Variants in CHST9 observed in about 807,000 individuals in gnomAD.
CHST9 encodes the protein GalNAc-4-sulfotransferase 2.
Under a neutral mutation model 44.4 loss-of-function variants are expected in CHST9, and 41 were observed. The observed-to-expected ratio is 0.92, with a 90% CI of 0.72 to 1.20. CHST9 has a LOEUF of 1.20. Among genes scored for constraint, CHST9 ranks in the 50% most tolerant of loss-of-function variants. The pLI is 0.00. For missense variants in CHST9, 504 were observed against 516.5 expected (o/e 0.98, Z 0.23); for synonymous variants, 171 against 178.4 (o/e 0.96, Z 0.33).
intron 4 of CHST9, among the ~76,000 whole-genome samples, chr18:26,991,458 T>C (rs1279399419): frequency 2.6e-5 from 4 of 152,114 alleles, no homozygotes; most frequent in African/African-American, 9.7e-5. Flanking sequence ...TCTTAGACTT[T>C]TAATGATAAA....
chr18:27,131,295 A>G (rs2058469662), intron 2 of CHST9, among the ~76,000 whole-genome samples: 1 of 151,018 alleles, frequency 6.6e-6, no homozygotes, highest in South Asian at 2.1e-4. Flanking sequence ...CACGCCTGTA[A>G]TCTCAGCACT....
At chr18:27,064,804 A>G (rs940494928) in intron 2 of CHST9, among the ~76,000 whole-genome samples, 1 of 152,136 alleles carries the variant, frequency 6.6e-6, no homozygotes, top group African/African-American at 2.4e-5. Flanking sequence ...GCTTCACCCT[A>G]CAATGCACAC....
At chr18:27,137,420 TGA>T (rs1164314591) in intron 2 of CHST9, among the ~76,000 whole-genome samples, 1 of 150,792 alleles carries the variant, frequency 6.6e-6, no homozygotes, top group Non-Finnish European at 1.5e-5. Context: ...AGGTGACATA[TGA>T]GCCAAGCCCT....
chr18:27,121,077 C>G (rs917699127), intron 2 of CHST9, among the ~76,000 whole-genome samples: 1 of 152,200 alleles, frequency 6.6e-6, no homozygotes, highest in South Asian at 2.1e-4. Context: ...TCACGGCTCA[C>G]TGAAGCCTTG....
chr18:27,003,631 C>T (rs925875424), intron 4 of CHST9, among the ~76,000 whole-genome samples: 1 of 152,130 alleles, frequency 6.6e-6, no homozygotes, highest in African/African-American at 2.4e-5. Context: ...TGATATTCCT[C>T]ACATATAGCA....
intron 1 of CHST9, among the ~76,000 whole-genome samples, chr18:27,177,737 T>C (rs1157655539): frequency 6.6e-6 from 1 of 151,938 alleles, no homozygotes; most frequent in Non-Finnish European, 1.5e-5. Context: ...CTCTGAACAA[T>C]GGGAGTGGAA....
At chr18:26,975,186 A>G (rs2145178722) in intron 4 of CHST9, among the ~76,000 whole-genome samples, 1 of 152,270 alleles carries the variant, frequency 6.6e-6, no homozygotes, top group Admixed American at 6.5e-5. Flanking sequence ...GTTGCAAGTG[A>G]TGTAGTGATC....
intron 2 of CHST9, among the ~76,000 whole-genome samples, chr18:27,127,445 T>G (rs888945746): frequency 1.3e-5 from 2 of 151,950 alleles, no homozygotes; most frequent in Admixed American, 6.6e-5. Context: ...CTTATTGGAT[T>G]TAATGGTGGG....
At chr18:27,180,134 T>C (rs1265111008) in intron 1 of CHST9, among the ~76,000 whole-genome samples, 2 of 152,142 alleles carry the variant, frequency 1.3e-5, no homozygotes, top group Non-Finnish European at 2.9e-5. Flanking sequence ...TCTGGGTTGT[T>C]AGTATCTCAA....
At chr18:27,146,568 A>G (rs561041007) in intron 1 of CHST9, among the ~76,000 whole-genome samples, 1 of 152,348 alleles carries the variant, frequency 6.6e-6, no homozygotes, top group East Asian at 1.9e-4. Context: ...ACTTGGAATA[A>G]TGCTGCTTTA....
chr18:27,024,882 T>G (rs1333089992), intron 3 of CHST9, among the ~76,000 whole-genome samples: 2 of 152,202 alleles, frequency 1.3e-5, no homozygotes, highest in South Asian at 2.1e-4. Context: ...CCAGATGAAG[T>G]TGGCCTACTG....
chr18:27,062,796 A>T (rs976647079), intron 2 of CHST9, among the ~76,000 whole-genome samples: 1 of 152,110 alleles, frequency 6.6e-6, no homozygotes, highest in Non-Finnish European at 1.5e-5. Context: ...AAGTGTTCCT[A>T]TTTCTCCACA....
chr18:27,144,387 C>T (rs2058594925), intron 1 of CHST9, among the ~76,000 whole-genome samples: 1 of 152,242 alleles, frequency 6.6e-6, no homozygotes, highest in South Asian at 2.1e-4. Context: ...CTTGGCAAAA[C>T]CAATTTTCAG....
intron 4 of CHST9, among the ~76,000 whole-genome samples, chr18:26,962,103 G>C (rs933034002): frequency 9.9e-5 from 15 of 152,088 alleles, no homozygotes; most frequent in Admixed American, 2.0e-4. Flanking sequence ...AGGAAAAACT[G>C]CCAAAAGGCT....
chr18:26,924,066 G>A (rs1598559228), intron 5 of CHST9, among the ~76,000 whole-genome samples: 1 of 152,136 alleles, frequency 6.6e-6, no homozygotes, highest in African/African-American at 2.4e-5. Context: ...TATATATGAT[G>A]GGGATTTTCA....
In CHST9 at chr18:26,973,134, T is replaced by C. The variant is rs545330080; in HGVS notation, c.203-28768A>G. ...TGACCTCAAGGAGGCCTCTCCTGTT[T>C]ATCGTTGGTCTCACCACTCCCTGTA... On this transcript the variant is annotated intron_variant, in intron 4 of 5. Transcript: ENST00000618847. Among the ~76,000 whole-genome samples the C allele has an allele frequency of 4.6e-5, 7 of 152,334 alleles. No individual in the cohort carries two copies. In the East Asian group the frequency reaches 1.2e-3, roughly 25 times the overall value.
chr18:27,009,962 G>C (rs531143960), intron 4 of CHST9, among the ~76,000 whole-genome samples: 1 of 152,116 alleles, frequency 6.6e-6, no homozygotes, highest in East Asian at 1.9e-4. Flanking sequence ...AATTAAACCA[G>C]CAAAAGTAAA....
intron 3 of CHST9, among the ~76,000 whole-genome samples, chr18:27,032,125 T>A (rs2057347532): frequency 6.6e-6 from 1 of 152,166 alleles, no homozygotes; most frequent in South Asian, 2.1e-4. Context: ...CTATCAAAGC[T>A]TCTGTTGCTC....
chr18:27,017,834 T>C (rs2057172998), intron 4 of CHST9, among the ~76,000 whole-genome samples: 1 of 152,228 alleles, frequency 6.6e-6, no homozygotes, highest in Non-Finnish European at 1.5e-5. Context: ...TTGTTTAAAA[T>C]TGTATTACTG....
Sources: gnomAD v4.1 joint callset for allele counts (sites outside exome capture counted in the v4.1 genomes callset) on GRCh38, gnomAD v4.1.1 for gene constraint, MANE v1.5 for transcripts, NCBI Gene and HGNC (gene_info 2026-07-23, HGNC 2026-07-21) for gene names.